Variants in PREX1 observed in about 807,000 individuals in gnomAD.
PREX1 encodes phosphatidylinositol 3,4,5-trisphosphate-dependent Rac exchanger 1 protein.
Under a neutral mutation model 198.3 loss-of-function variants are expected in PREX1, and 41 were observed. The observed-to-expected ratio is 0.21, with a 90% CI of 0.16 to 0.27. PREX1 has a LOEUF of 0.27. PREX1 is among the 10% of genes least tolerant of loss of function. PREX1 has a pLI of 1.00. For synonymous variants in PREX1, 843 were observed against 887.2 expected (o/e 0.95, Z 0.89); for missense variants, 1,620 against 2,200.7 (o/e 0.74, Z 5.28).
intron 6 of PREX1, 105 bp from the exon 7 acceptor site, chr20:48,700,991 C>T (rs12479966): frequency 0.18 from 266,037 of 1,464,946 alleles, 26,058 homozygotes; most frequent in Admixed American, 0.28. Context: ...CCAAAAACTC[C>T]ACCAGCAAGT....
At chr20:48,862,497 C>A in the PREX1 span, among the ~76,000 whole-genome samples, 8 of 152,070 alleles carry the variant, frequency 5.3e-5, no homozygotes, top group South Asian at 1.0e-3. Context: ...TGAGGCAGAA[C>A]CTGCACATTG....
intron 6 of PREX1, among the ~76,000 whole-genome samples, chr20:48,703,152 C>T (rs146765911): frequency 0.016 from 2,415 of 152,354 alleles, 27 homozygotes; most frequent in Non-Finnish European, 0.024. Flanking sequence ...TGTCTGCTAA[C>T]GGCCTACAAG....
intron 26 of PREX1, among the ~76,000 whole-genome samples, chr20:48,645,408 G>C (rs948317110): frequency 4.6e-5 from 7 of 152,200 alleles, no homozygotes; most frequent in Non-Finnish European, 1.0e-4. Flanking sequence ...CACTGATCTT[G>C]TTATAATTAA....
intron 33 of PREX1, 30 bp from the exon 34 acceptor site, chr20:48,632,669 AC>A (rs2089324689): frequency 6.2e-7 from 1 of 1,611,644 alleles, no homozygotes; most frequent in South Asian, 1.1e-5. Flanking sequence ...AGGATGACTC[AC>A]CACCGAGGCC....
chr20:48,818,333 C>T (rs925224090), intron 1 of PREX1, among the ~76,000 whole-genome samples: 2 of 152,204 alleles, frequency 1.3e-5, no homozygotes, highest in Non-Finnish European at 2.9e-5. Flanking sequence ...TGTGAATTCA[C>T]ATCTCAGTTT....
chr20:48,751,932 G>C (rs763876695), intron 1 of PREX1, among the ~76,000 whole-genome samples: 1 of 152,068 alleles, frequency 6.6e-6, no homozygotes, highest in Non-Finnish European at 1.5e-5. Flanking sequence ...ATACTACACC[G>C]AATTTGCTTG....
At chr20:48,848,748 G>T in the PREX1 span, among the ~76,000 whole-genome samples, 136 of 152,104 alleles carry the variant, frequency 8.9e-4, 1 homozygote, top group African/African-American at 3.1e-3. Context: ...AACATTTTTA[G>T]GGGGGGTGGT....
chr20:48,828,006 C>T (rs1233397714), upstream of PREX1: 14 of 177,832 alleles, frequency 7.9e-5, no homozygotes, highest in South Asian at 1.8e-4. Context: ...GACTGGGGGC[C>T]GGGCGGCTGG....
rs750556296 is a variant in PREX1, at chr20:48,676,211, C to T, written c.1647G>A (p.Val549=). The change falls in exon 14 of 40, where the codon GTG becomes GTA. Residue 549 remains valine (V), a synonymous_variant. Transcript: ENST00000371941. The part of the protein sequence containing the change: ...YKSVLPGSKL[V]DWLLAQGDCQ... ...CCCTCACCTGAGCCAGCAGCCAGTC[C>T]ACCAGCTTGCTCCCGGGAAGCACTG... 1.2e-6 allele frequency: 2 copies of T among 1,614,108 alleles called. No individual in the cohort carries two copies. The highest frequency in any genetic ancestry group is 1.7e-5 in the Admixed American group (1 of 60,030).
chr20:48,827,956 C>G lies in PREX1; in HGVS notation c.-96G>C. ...TCCCGGACGGGGCGCGCCGGCGGGC[C>G]GGGCTCAGCGGCGGGCCGGGCTCCC... On this transcript the variant is annotated 5_prime_UTR_variant, in exon 1 of 40. Coordinates refer to ENST00000371941, the MANE Select transcript of PREX1 (RefSeq NM_020820.4). The surrounding 1 kb of genome is among the most constrained non-coding windows in gnomAD (Gnocchi z 4.1). 2.6e-6 allele frequency: 1 copy of G among 391,338 alleles called. No homozygotes were observed. Among genetic ancestry groups the G allele is most frequent in the Non-Finnish European group, 3.4e-6 (1 of 290,990 alleles). The allele number at this position is 391,338 out of a possible 1,614,324, so 24.2% of individuals were successfully genotyped here.
chr20:48,632,259 G>A lies in PREX1; in HGVS notation c.4526+18C>T. ...GGTTTCCTGACTCCTGCCCCCAACG[G>A]GGACCCCAGGCGGATACCTGAGTTT... On this transcript the variant is annotated intron_variant, in intron 35 of 39. Coordinates refer to ENST00000371941, the MANE Select transcript of PREX1 (RefSeq NM_020820.4). 6.2e-7 allele frequency: 1 copy of A among 1,612,758 alleles called. No homozygotes were observed. Among genetic ancestry groups the A allele is most frequent in the Non-Finnish European group, 8.5e-7 (1 of 1,179,214 alleles).
intron 36 of PREX1, 69 bp from the exon 37 acceptor site, chr20:48,629,690 C>T: frequency 1.3e-6 from 2 of 1,500,866 alleles, no homozygotes; most frequent in Non-Finnish European, 1.8e-6. Flanking sequence ...CCCCATCTGG[C>T]CCTCCTCCCC....
At chr20:48,867,655 AT>A in the PREX1 span, among the ~76,000 whole-genome samples, 1 of 107,978 alleles carries the variant, frequency 9.3e-6, no homozygotes, top group African/African-American at 3.8e-5. Context: ...AGGCAGGAGA[AT>A]CGCTTGAGAG....
chr20:48,843,778 G>A, the PREX1 span, among the ~76,000 whole-genome samples: 1 of 151,940 alleles, frequency 6.6e-6, no homozygotes. Context: ...TGCAGATGTG[G>A]ATTTCAGAAA....
At chr20:48,661,910 G>T (rs965261518) in intron 15 of PREX1, among the ~76,000 whole-genome samples, 4 of 152,142 alleles carry the variant, frequency 2.6e-5, no homozygotes, top group African/African-American at 9.7e-5. Flanking sequence ...AGTGGACAAA[G>T]GTGGAAATCA....
At chr20:48,741,998 G>C (rs1003658382) in intron 3 of PREX1, among the ~76,000 whole-genome samples, 2 of 152,162 alleles carry the variant, frequency 1.3e-5, no homozygotes, top group African/African-American at 2.4e-5. Flanking sequence ...CTGGGAGAGG[G>C]GTTGAAGAGA....
intron 32 of PREX1, 87 bp downstream of exon 32, chr20:48,636,372 CTGAG>C: frequency 7.5e-7 from 1 of 1,329,574 alleles, no homozygotes; most frequent in Non-Finnish European, 1.0e-6. Context: ...CAGGGGGAGC[CTGAG>C]TAAGTGGGCA....
At chr20:48,656,642 C>T (rs948379287) in intron 18 of PREX1, among the ~76,000 whole-genome samples, 9 of 152,204 alleles carry the variant, frequency 5.9e-5, no homozygotes, top group Non-Finnish European at 1.3e-4. Context: ...CTCGCAGTGA[C>T]GTCTCCCTGA....
At chr20:48,727,674 C>A (rs182031126) in intron 4 of PREX1, among the ~76,000 whole-genome samples, 1 of 152,112 alleles carries the variant, frequency 6.6e-6, no homozygotes, top group African/African-American at 2.4e-5. Flanking sequence ...GAGCTGGGAC[C>A]TAGAGCCAGG....
Sources: gnomAD v4.1 joint callset for allele counts (sites outside exome capture counted in the v4.1 genomes callset) on GRCh38, gnomAD v4.1.1 for gene constraint, Gnocchi (gnomAD v3.1) non-coding constraint, MANE v1.5 for transcripts, NCBI Gene and HGNC (gene_info 2026-07-23, HGNC 2026-07-21) for gene names.